Variants in DYNC2H1 observed in about 807,000 individuals in gnomAD.
The protein encoded by DYNC2H1 is dynein cytoplasmic 2 heavy chain 1, also known as cytoplasmic dynein 2 heavy chain 1.
Under a neutral mutation model 570.0 loss-of-function variants are expected in DYNC2H1, and 410 were observed. The observed-to-expected ratio is 0.72, with a 90% confidence interval of 0.66 to 0.78. DYNC2H1 has a LOEUF of 0.78. Ranked by LOEUF, DYNC2H1 falls within the 30% of genes least tolerant of loss-of-function variation. The pLI is 0.00. For missense variants in DYNC2H1, 4,865 were observed against 5,046.4 expected (o/e 0.96, Z 1.09); for synonymous variants, 1,688 against 1,677.6 (o/e 1.01, Z -0.15).
rs1350485695 is a variant in DYNC2H1 at position 103,261,461 on chromosome 11, T to G, written c.10695+1484T>G. Reference sequence around the variant, plus strand: ...ATATAGGAGCACTGCAGCTGGCATCTGGTGCGTGCCCCTCTAGGACGAAGC... The same window carrying G: ...ATATAGGAGCACTGCAGCTGGCATCGGGTGCGTGCCCCTCTAGGACGAAGC... On this transcript the variant is annotated intron_variant, in intron 70 of 88. Transcript: ENST00000375735. The surrounding 1 kb of genome is among the most constrained non-coding windows in gnomAD (Gnocchi z 4.8). Among the ~76,000 whole-genome samples the G allele has an allele frequency of 6.6e-6, 1 of 152,176 alleles. No individual in the cohort carries two copies. Among genetic ancestry groups the G allele is most frequent in the Non-Finnish European group, 1.5e-5 (1 of 68,018 alleles).
chr11:103,422,948 A>T (rs1943537684), intron 84 of DYNC2H1, among the ~76,000 whole-genome samples: 1 of 150,182 alleles, frequency 6.7e-6, no homozygotes, highest in Non-Finnish European at 1.5e-5. Context: ...CCATAATCTC[A>T]ACCCAAAAGC....
chr11:103,137,989 G>T lies in DYNC2H1; in HGVS notation c.2574+2041G>T, dbSNP rs533549095. On this transcript the variant is annotated intron_variant, in intron 17 of 88. Coordinates refer to ENST00000375735, the MANE Select transcript of DYNC2H1 (RefSeq NM_001377.3). Reference sequence around the variant, plus strand: ...TAGGTATTTTATTCTCTTTGAAGCAGTTGTGAATGGGAGTTCACTCATGAT... The same window carrying T: ...TAGGTATTTTATTCTCTTTGAAGCATTTGTGAATGGGAGTTCACTCATGAT... Among the ~76,000 whole-genome samples, 358 of 149,806 alleles carry T rather than the reference G, an allele frequency of 2.4e-3. 1 individual carries two copies. In the Middle Eastern group the frequency reaches 0.024, roughly 10 times the overall value.
chr11:103,248,558 A>G (rs1864710291), intron 65 of DYNC2H1, among the ~76,000 whole-genome samples: 1 of 152,100 alleles, frequency 6.6e-6, no homozygotes, highest in Non-Finnish European at 1.5e-5. Flanking sequence ...GTCAGGTACT[A>G]TGGAATCTAT....
Position 103,204,948 on chromosome 11 carries a change from A to G in DYNC2H1, c.8438A>G (p.Asn2813Ser). ...GTGTTGTGGATGGAGGGTTGGTCCA[A>G]TAGCAGTATGAAGAAAGTAAGTTTA... ...CQVLWMEGWS[N>S]SSMKKIPEML... The change falls in exon 52 of 89, where the codon AAT (asparagine) becomes AGT (serine). Residue 2813 changes from asparagine (N) to serine (S), a missense_variant. Transcript: ENST00000375735. This position sits in a 1 kb window ranked among gnomAD's most constrained non-coding sequence, Gnocchi z 4.1. 1 of 1,585,398 alleles carries G rather than the reference A, an allele frequency of 6.3e-7. No individual in the cohort carries two copies. The highest frequency in any genetic ancestry group is 8.6e-7 in the Non-Finnish European group (1 of 1,164,794).
intron 78 of DYNC2H1, among the ~76,000 whole-genome samples, chr11:103,310,497 C>T (rs1183700984): frequency 1.3e-5 from 2 of 151,716 alleles, no homozygotes; most frequent in Non-Finnish European, 2.9e-5. Context: ...TAGTGTAGTG[C>T]CTTTTTAAAA....
At chr11:103,187,700 A>G in intron 43 of DYNC2H1, 114 bp downstream of exon 43, 1 of 1,299,692 alleles carries the variant, frequency 7.7e-7, no homozygotes, top group Non-Finnish European at 1.0e-6. Flanking sequence ...AGCATTTGTC[A>G]TGGAAATTAA....
intron 84 of DYNC2H1, among the ~76,000 whole-genome samples, chr11:103,432,931 C>G (rs1857807337): frequency 6.6e-6 from 1 of 152,116 alleles, no homozygotes; most frequent in Non-Finnish European, 1.5e-5. Flanking sequence ...TTGTGCAAAT[C>G]TAAGACAACT....
rs1863869079 is a variant in DYNC2H1, at chr11:103,228,133, C to T, written c.9354-3127C>T. Among the ~76,000 whole-genome samples, 1 of 152,078 alleles carries T rather than the reference C, an allele frequency of 6.6e-6. No individual in the cohort carries two copies. The highest frequency in any genetic ancestry group is 1.5e-5 in the Non-Finnish European group (1 of 68,022). ...AGAAACTTGGTTGGTGAATTCTTAT[C>T]CATTCTGCCATTGTGTATCTTTTAA... On this transcript the variant is annotated intron_variant, in intron 59 of 88. Coordinates refer to ENST00000375735, the MANE Select transcript of DYNC2H1 (RefSeq NM_001377.3). The surrounding 1 kb of genome is among the most constrained non-coding windows in gnomAD (Gnocchi z 6.1).
intron 19 of DYNC2H1, among the ~76,000 whole-genome samples, 161 bp from the exon 20 acceptor site, chr11:103,148,329 C>G (rs796164702): frequency 6.6e-5 from 10 of 152,218 alleles, no homozygotes; most frequent in East Asian, 3.9e-4. Flanking sequence ...TTTGCTTATT[C>G]CACATCTTGA....
rs766420967 is a variant in DYNC2H1, at chr11:103,199,357, A to T, written c.7969A>T (p.Ser2657Cys). The T allele has an allele frequency of 1.2e-6, 2 of 1,612,538 alleles. No individual in the cohort carries two copies. The highest frequency in any genetic ancestry group is 1.7e-6 in the Non-Finnish European group (2 of 1,179,706). ...AGGTTCACTTCTATTAGCAGGACGC[A>T]GTGGTGTAGGTCGTCGGACCATCAC... ...PGGSLLLAGR[S>C]GVGRRTITSL... is the part of the protein sequence containing the mutation. Residue 2657 changes from serine (S) to cysteine (C), a missense_variant, in exon 49 of 89, where the codon AGT becomes TGT. Transcript: ENST00000375735. The surrounding 1 kb of genome is among the most constrained non-coding windows in gnomAD (Gnocchi z 4.6).
chr11:103,192,405 C>A, intron 47 of DYNC2H1, 141 bp downstream of exon 47: 1 of 578,286 alleles, frequency 1.7e-6, no homozygotes, highest in Non-Finnish European at 2.6e-6. Flanking sequence ...AGGTACAGCT[C>A]AGTCTTTTTT....
chr11:103,386,668 A>G (rs1941888855), intron 83 of DYNC2H1, among the ~76,000 whole-genome samples: 1 of 152,024 alleles, frequency 6.6e-6, no homozygotes, highest in Admixed American at 6.5e-5. Context: ...ACCCCACAAC[A>G]GGCCCCAGTG....
At chr11:103,188,229 T>A (rs1467205633) in intron 43 of DYNC2H1, among the ~76,000 whole-genome samples, 3 of 152,086 alleles carry the variant, frequency 2.0e-5, no homozygotes, top group Non-Finnish European at 4.4e-5. Context: ...TGTACTCAAT[T>A]TATAATATCA....
At chr11:103,215,281 G>C (rs1230449810) in intron 54 of DYNC2H1, among the ~76,000 whole-genome samples, 1 of 152,124 alleles carries the variant, frequency 6.6e-6, no homozygotes, top group Admixed American at 6.5e-5. Context: ...TGTGGGCAGA[G>C]GGTTTGTCAT....
At position 103,170,803 on chromosome 11, in the gene DYNC2H1, T is replaced by C. The variant is rs1207292907; in HGVS notation, c.5152-83T>C. 3 of 1,224,916 alleles carry C rather than the reference T, an allele frequency of 2.4e-6. No individual in the cohort carries two copies. Among genetic ancestry groups the C allele is most frequent in the African/African-American group, 3.1e-5 (2 of 65,260 alleles). The allele number at this position is 1,224,916 out of a possible 1,614,324, so 75.9% of individuals were successfully genotyped here. ...ATAGATGGGATAAATTATCACCTTA[T>C]CAATAAGTAACATTAAATATTAAGT... is the stretch of plus-strand genomic sequence containing the variant. On this transcript the variant is annotated intron_variant, in intron 33 of 88. Transcript: ENST00000375735. The surrounding 1 kb of genome is among the most constrained non-coding windows in gnomAD (Gnocchi z 4.8).
intron 14 of DYNC2H1, 35 bp from the exon 15 acceptor site, chr11:103,134,286 A>G: frequency 1.3e-6 from 2 of 1,591,504 alleles, no homozygotes; most frequent in Non-Finnish European, 1.7e-6. Flanking sequence ...TTTTCCAGCA[A>G]TACTTTGAGA....
intron 56 of DYNC2H1, 132 bp downstream of exon 56, chr11:103,220,160 C>A: frequency 1.1e-5 from 5 of 451,552 alleles, no homozygotes; most frequent in South Asian, 4.3e-5. Context: ...CAAAATGTTA[C>A]TTGTAAAAGA....
At chr11:103,225,318 T>A (rs979699897) in intron 59 of DYNC2H1, among the ~76,000 whole-genome samples, 1 of 152,192 alleles carries the variant, frequency 6.6e-6, no homozygotes, top group African/African-American at 2.4e-5. Context: ...GGTCATGAAG[T>A]CTTTACCTAA....
chr11:103,237,227 T>C (rs1324672800), intron 63 of DYNC2H1, among the ~76,000 whole-genome samples: 1 of 152,024 alleles, frequency 6.6e-6, no homozygotes, highest in Non-Finnish European at 1.5e-5. Context: ...TATTTCATAA[T>C]AAATATTAGT....
Sources: gnomAD v4.1 joint callset for allele counts (sites outside exome capture counted in the v4.1 genomes callset) on GRCh38, gnomAD v4.1.1 for gene constraint, Gnocchi (gnomAD v3.1) non-coding constraint, MANE v1.5 for transcripts, NCBI Gene and HGNC (gene_info 2026-07-23, HGNC 2026-07-21) for gene names.